The following OSBP2 variants were observed in gnomAD, a reference collection of about 807,000 sequenced individuals.
The protein encoded by OSBP2 is oxysterol binding protein 2, also known as oxysterol-binding protein 2.
Under a neutral mutation model 96.0 loss-of-function variants are expected in OSBP2, and 66 were observed. That is an observed-to-expected ratio of 0.69 (90% CI 0.56 to 0.84). OSBP2 has a LOEUF of 0.84. Among genes scored for constraint, OSBP2 ranks in the 40% least tolerant of loss-of-function variants. OSBP2 has a pLI of 0.00. For synonymous variants in OSBP2, 525 were observed against 520.9 expected (o/e 1.01, Z -0.11); for missense variants, 1,038 against 1,222.7 (o/e 0.85, Z 2.25).
intron 2 of OSBP2, among the ~76,000 whole-genome samples, chr22:30,804,492 A>G (rs2090900029): frequency 6.6e-6 from 1 of 152,088 alleles, no homozygotes. Context: ...GATATGTGAG[A>G]TGATGTGCTG....
intron 2 of OSBP2, among the ~76,000 whole-genome samples, chr22:30,770,038 G>A (rs528468171): frequency 4.7e-4 from 72 of 151,628 alleles, no homozygotes; most frequent in South Asian, 2.1e-3. Context: ...CCCTGCACGT[G>A]CTCTCTTGCC....
rs926566997 is a variant in OSBP2, at chr22:30,808,020, G to T, written c.854-62409G>T. On this transcript the variant is annotated intron_variant, in intron 2 of 13. Coordinates refer to ENST00000332585, the MANE Select transcript of OSBP2 (RefSeq NM_030758.4). The stretch of plus-strand genomic sequence containing the variant: ...GCCTAGGCTGGTCTGGAACTCCTGG[G>T]CTCAAGCGATCCTCCTGCCTCTTCC... Among the ~76,000 whole-genome samples, 5 of 152,194 alleles carry T rather than the reference G, an allele frequency of 3.3e-5. No homozygotes were observed. The East Asian group carries it at 9.7e-4, about 30-fold the overall frequency.
chr22:30,701,265 C>T (rs954047715), intron 1 of OSBP2, among the ~76,000 whole-genome samples: 2 of 151,916 alleles, frequency 1.3e-5, no homozygotes, highest in Admixed American at 6.6e-5. Context: ...CAAAAGCCAA[C>T]TGCTGTGAAA....
intron 2 of OSBP2, among the ~76,000 whole-genome samples, chr22:30,764,871 G>A (rs2090251457): frequency 6.6e-6 from 1 of 152,072 alleles, no homozygotes; most frequent in Admixed American, 6.6e-5. Context: ...GTGAAAATTT[G>A]ACTGGTATGG....
chr22:30,736,689 T>G (rs1052919691), intron 1 of OSBP2, among the ~76,000 whole-genome samples: 1 of 152,226 alleles, frequency 6.6e-6, no homozygotes, highest in African/African-American at 2.4e-5. Flanking sequence ...CAAAGTACAA[T>G]TCTCAAAACT....
chr22:30,801,380 T>G (rs2090849114), intron 2 of OSBP2, among the ~76,000 whole-genome samples: 1 of 152,240 alleles, frequency 6.6e-6, no homozygotes, highest in Non-Finnish European at 1.5e-5. Context: ...TTCTTTGATG[T>G]GAAATCTGAA....
At chr22:30,703,099 G>T (rs561169834) in intron 1 of OSBP2, among the ~76,000 whole-genome samples, 2 of 152,260 alleles carry the variant, frequency 1.3e-5, no homozygotes, top group South Asian at 4.1e-4. Context: ...AAGCAACAGT[G>T]GGAATGTGGA....
intron 2 of OSBP2, among the ~76,000 whole-genome samples, chr22:30,830,792 T>C (rs767536208): frequency 9.2e-5 from 14 of 152,170 alleles, no homozygotes; most frequent in Non-Finnish European, 1.6e-4. Flanking sequence ...GGCGTTTCCA[T>C]AGCGCCATTA....
chr22:30,794,790 G>A (rs1421926956), intron 2 of OSBP2, among the ~76,000 whole-genome samples: 4 of 145,956 alleles, frequency 2.7e-5, no homozygotes, highest in Admixed American at 6.8e-5. Flanking sequence ...CAGTGAGACC[G>A]TCTCAAAAAA....
intron 2 of OSBP2, among the ~76,000 whole-genome samples, chr22:30,849,926 A>G (rs1421470264): frequency 6.6e-6 from 1 of 152,150 alleles, no homozygotes; most frequent in Non-Finnish European, 1.5e-5. Context: ...ACTTTTTGCC[A>G]TATGTATATT....
chr22:30,902,886 G>A, intron 12 of OSBP2: 1 of 283,210 alleles, frequency 3.5e-6, no homozygotes, highest in Non-Finnish European at 7.3e-6. Context: ...ACCTGCCACT[G>A]GCCTCCCCAC....
At chr22:30,797,981 C>G (rs1470683550) in intron 2 of OSBP2, among the ~76,000 whole-genome samples, 1 of 152,170 alleles carries the variant, frequency 6.6e-6, no homozygotes, top group Non-Finnish European at 1.5e-5. Context: ...TAATAATAAT[C>G]CTATTTTTAA....
At chr22:30,750,843 C>T (rs1450706904) in intron 2 of OSBP2, among the ~76,000 whole-genome samples, 2 of 152,182 alleles carry the variant, frequency 1.3e-5, no homozygotes, top group Non-Finnish European at 2.9e-5. Context: ...CTCCCAGGTT[C>T]GAGCAATTCT....
chr22:30,730,716 G>GTCTCTCTCTCTCTC (rs1191165719), intron 1 of OSBP2, among the ~76,000 whole-genome samples: 5 of 19,966 alleles, frequency 2.5e-4, no homozygotes, highest in East Asian at 1.3e-3. Context: ...TCGCTGCCCT[G>GTCTCTCTCTCTCTC]TCTCTCTCTC....
intron 3 of OSBP2, among the ~76,000 whole-genome samples, chr22:30,876,475 C>T (rs968031907): frequency 5.9e-5 from 9 of 152,250 alleles, no homozygotes; most frequent in Non-Finnish European, 1.3e-4. Flanking sequence ...GAGAGATCAG[C>T]TTGGCTCTTG....
At chr22:30,858,049 C>T (rs5997786) in intron 2 of OSBP2, among the ~76,000 whole-genome samples, 38,900 of 151,552 alleles carry the variant, frequency 0.26, 6,242 homozygotes, top group African/African-American at 0.44. Flanking sequence ...GCAGGCACTG[C>T]GCAGCTAGGC....
chr22:30,902,717 C>T, intron 12 of OSBP2: 1 of 492,816 alleles, frequency 2.0e-6, no homozygotes, highest in Non-Finnish European at 3.9e-6. Context: ...GTAGCCGATC[C>T]CAACTCTGCT....
At chr22:30,741,450 G>T in intron 2 of OSBP2, 81 bp downstream of exon 2, 2 of 1,212,040 alleles carry the variant, frequency 1.7e-6, no homozygotes, top group Non-Finnish European at 2.3e-6. Context: ...GCCACTGGTG[G>T]GCAGTGGTGG....
At position 30,821,123 on chromosome 22, in the gene OSBP2, A is replaced by G. The variant is rs140425803; in HGVS notation, c.854-49306A>G. Among the ~76,000 whole-genome samples the G allele has an allele frequency of 6.9e-4, 105 of 152,328 alleles. 3 individuals are homozygous for G. In the East Asian group the frequency reaches 0.017, roughly 25 times the overall value. On this transcript the variant is annotated intron_variant, in intron 2 of 13. Transcript: ENST00000332585. ...GCTAAAACTCAGTCCCAGGGCCCAGAGTCTGTAGTCCAGTGGGAAAGATGA... is the reference window on the plus strand; with the variant it reads ...GCTAAAACTCAGTCCCAGGGCCCAGGGTCTGTAGTCCAGTGGGAAAGATGA...
Sources: allele counts gnomAD v4.1 joint callset (sites outside exome capture counted in the v4.1 genomes callset), GRCh38; gene constraint gnomAD v4.1.1; transcripts MANE v1.5; gene names NCBI Gene and HGNC (gene_info 2026-07-23, HGNC 2026-07-21).